The following ADAMTS12 variants were observed in gnomAD, a reference collection of about 807,000 sequenced individuals.
ADAMTS12 encodes the protein ADAM metallopeptidase with thrombospondin type 1 motif 12.
ADAMTS12 carries 118 observed loss-of-function variants against 167.8 expected under a neutral mutation model. The ratio of observed to expected loss-of-function variants is 0.70; its 90% CI spans 0.61 to 0.82. The LOEUF (loss-of-function observed/expected upper bound fraction) is 0.82, where lower values mean the gene tolerates loss of function less well. Ranked by LOEUF, ADAMTS12 falls within the 40% of genes least tolerant of loss-of-function variation. The pLI, the probability that ADAMTS12 is intolerant of heterozygous loss-of-function variation, is 0.00. For synonymous variants in ADAMTS12, 704 were observed against 716.9 expected, an observed-to-expected ratio of 0.98 and a Z score of 0.29; for missense variants, 1,916 against 1,998.8, an observed-to-expected ratio of 0.96 and a Z score of 0.79.
At chr5:33,740,539 G>A (rs758233617) in intron 3 of ADAMTS12, among the ~76,000 whole-genome samples, 1 of 152,132 alleles carries the variant, frequency 6.6e-6, no homozygotes, top group Non-Finnish European at 1.5e-5. Flanking sequence ...ACGGGGATGC[G>A]GGGGTGAGAG....
chr5:33,590,714 A>G (rs1747589838), intron 17 of ADAMTS12, among the ~76,000 whole-genome samples: 2 of 152,166 alleles, frequency 1.3e-5, no homozygotes, highest in South Asian at 2.1e-4. Context: ...CCTGCGCTCA[A>G]GTAATCCTGC....
rs559084004 is a variant in ADAMTS12 at position 33,635,456 on chromosome 5, T to C, written c.1888+2121A>G. Reference sequence around the variant, plus strand: ...GCTAACTCTTGGTTCTATTTCATAGTCTGAATTTGGGCAAGTTACAGAGGT... The same window carrying C: ...GCTAACTCTTGGTTCTATTTCATAGCCTGAATTTGGGCAAGTTACAGAGGT... On this transcript the variant is annotated intron_variant, in intron 12 of 23. Transcript: ENST00000504830. Among the ~76,000 whole-genome samples the C allele has an allele frequency of 1.6e-4, 24 of 152,268 alleles. No homozygotes were observed. In the South Asian group the frequency reaches 5.0e-3, roughly 32 times the overall value.
At position 33,703,854 on chromosome 5, in the gene ADAMTS12, T is replaced by C. The variant is rs1218534368; in HGVS notation, c.635-19799A>G. On this transcript the variant is annotated intron_variant, in intron 3 of 23. Coordinates refer to ENST00000504830, the MANE Select transcript of ADAMTS12 (RefSeq NM_030955.4). The stretch of plus-strand genomic sequence containing the variant: ...ATGGAGTCACTTATGCTAAATTCCA[T>C]GCCATTGAGACAAAACTAAGTTGTT... Among the ~76,000 whole-genome samples, 3 of 152,188 alleles carry C rather than the reference T, an allele frequency of 2.0e-5. No individual in the cohort carries two copies. In the East Asian group the frequency reaches 5.8e-4, roughly 29 times the overall value.
chr5:33,758,599 T>A (rs902720403), intron 2 of ADAMTS12, among the ~76,000 whole-genome samples: 14 of 152,104 alleles, frequency 9.2e-5, no homozygotes, highest in African/African-American at 3.4e-4. Flanking sequence ...TTTCCAGATG[T>A]CAGTGTCACT....
chr5:33,743,204 T>C (rs1169611348), intron 3 of ADAMTS12, among the ~76,000 whole-genome samples: 1 of 151,896 alleles, frequency 6.6e-6, no homozygotes, highest in Non-Finnish European at 1.5e-5. Context: ...AGGTGGATGA[T>C]AACAAGGGGT....
Position 33,827,553 on chromosome 5 carries a change from T to C in ADAMTS12, c.489+53566A>G, listed in dbSNP as rs1170099039. Among the ~76,000 whole-genome samples, 4 of 152,128 alleles carry C rather than the reference T, an allele frequency of 2.6e-5. No homozygotes were observed. The South Asian group carries it at 8.3e-4, about 32-fold the overall frequency. ...TTTCTAAGTTTGTGGTAGCTTATTA[T>C]GCAGCAATAGAAAGCTATTACCTCA... On this transcript the variant is annotated intron_variant, in intron 2 of 23. Transcript: ENST00000504830.
intron 2 of ADAMTS12, among the ~76,000 whole-genome samples, chr5:33,859,689 C>T (rs1430335359): frequency 6.6e-6 from 1 of 152,214 alleles, no homozygotes; most frequent in Non-Finnish European, 1.5e-5. Flanking sequence ...TCAAGTGACT[C>T]TCTAACCCCC....
intron 11 of ADAMTS12, among the ~76,000 whole-genome samples, chr5:33,640,848 T>C (rs1268632694): frequency 1.3e-5 from 2 of 149,426 alleles, no homozygotes; most frequent in African/African-American, 4.9e-5. Flanking sequence ...ATGTAATGTA[T>C]ACATGCATAT....
chr5:33,836,369 C>T (rs1056968244), intron 2 of ADAMTS12, among the ~76,000 whole-genome samples: 1 of 152,198 alleles, frequency 6.6e-6, no homozygotes, highest in Non-Finnish European at 1.5e-5. Context: ...ATGCAAATGC[C>T]AGCTAGACAG....
In ADAMTS12 at chr5:33,527,207, TGGAGCAACCGTTGCCTTCTTTGCCTTTG is replaced by T. The variant is rs1743861704; in HGVS notation, c.4738_4765del (p.Gln1580LysfsTer27). 1.9e-6 allele frequency: 3 copies of T among 1,614,200 alleles called. No individual in the cohort carries two copies. Among genetic ancestry groups the T allele is most frequent in the Non-Finnish European group, 2.5e-6 (3 of 1,180,036 alleles). ...TTGGGCTTAGAGTTCTTTTGACTTT[TGGAGCAACCGTTGCCTTCTTTGCCTTTG>T]GGTGTGTGTGATGTGTGTCTGGGGA... On this transcript the variant is annotated frameshift_variant, in exon 24 of 24. Coordinates refer to ENST00000504830, the MANE Select transcript of ADAMTS12 (RefSeq NM_030955.4). LOFTEE classifies it high-confidence loss of function.
chr5:33,528,591 A>C (rs1045337765), intron 23 of ADAMTS12, among the ~76,000 whole-genome samples: 3 of 152,262 alleles, frequency 2.0e-5, no homozygotes, highest in Admixed American at 6.5e-5. Flanking sequence ...CATTTCACAA[A>C]TGACGAAAGT....
At chr5:33,642,506 T>G (rs1215695771) in intron 10 of ADAMTS12, among the ~76,000 whole-genome samples, 1 of 152,128 alleles carries the variant, frequency 6.6e-6, no homozygotes, top group Non-Finnish European at 1.5e-5. Flanking sequence ...CTTCATTACA[T>G]CAAGAAAAAA....
At chr5:33,882,071 G>A (rs983822598) in intron 1 of ADAMTS12, among the ~76,000 whole-genome samples, 8 of 152,124 alleles carry the variant, frequency 5.3e-5, no homozygotes, top group African/African-American at 1.9e-4. Context: ...GTTAGAAAAG[G>A]GGCAAGATCT....
At chr5:33,676,743 A>C (rs1187012599) in intron 5 of ADAMTS12, among the ~76,000 whole-genome samples, 2 of 151,758 alleles carry the variant, frequency 1.3e-5, no homozygotes, top group Non-Finnish European at 2.9e-5. Context: ...AAGTCTAAAA[A>C]TTCTTTGCCA....
chr5:33,845,933 G>C (rs982154744), intron 2 of ADAMTS12, among the ~76,000 whole-genome samples: 4 of 152,156 alleles, frequency 2.6e-5, no homozygotes, highest in Admixed American at 6.5e-5. Flanking sequence ...TCAACAACCA[G>C]GTGTTGCAGT....
chr5:33,790,092 T>TA (rs1001886712), intron 2 of ADAMTS12, among the ~76,000 whole-genome samples: 8 of 151,576 alleles, frequency 5.3e-5, no homozygotes, highest in African/African-American at 1.7e-4. Context: ...TAGTGCTCTT[T>TA]AAAAAAAAAG....
At chr5:33,789,145 A>G (rs560848835) in intron 2 of ADAMTS12, among the ~76,000 whole-genome samples, 20 of 151,634 alleles carry the variant, frequency 1.3e-4, no homozygotes, top group Admixed American at 1.3e-3. Flanking sequence ...TAGGCTGTGG[A>G]CATTGTGTGA....
chr5:33,843,166 G>A (rs1748806691), intron 2 of ADAMTS12, among the ~76,000 whole-genome samples: 2 of 152,220 alleles, frequency 1.3e-5, no homozygotes, highest in Non-Finnish European at 2.9e-5. Context: ...GAGGAGAGCT[G>A]AGGTGGACTA....
At chr5:33,718,338 G>A (rs1055144926) in intron 3 of ADAMTS12, among the ~76,000 whole-genome samples, 5 of 152,162 alleles carry the variant, frequency 3.3e-5, no homozygotes, top group African/African-American at 7.2e-5. Context: ...ATGGTCCATG[G>A]TCTGTTAAGA....
Sources: gnomAD v4.1 joint callset for allele counts (sites outside exome capture counted in the v4.1 genomes callset) on GRCh38, gnomAD v4.1.1 for gene constraint, MANE v1.5 for transcripts, NCBI Gene and HGNC (gene_info 2026-07-23, HGNC 2026-07-21) for gene names.